RTKN: variants seen among roughly 807,000 people sequenced by gnomAD.
RTKN encodes the protein rhotekin.
Under a neutral mutation model 63.5 loss-of-function variants are expected in RTKN, and 49 were observed. That is an observed-to-expected ratio of 0.77 (90% CI 0.61 to 0.98). The LOEUF is 0.98. Among genes scored for constraint, RTKN ranks in the 50% least tolerant of loss-of-function variants. The pLI is 0.00. For synonymous variants in RTKN, 295 were observed against 290.4 expected, an observed-to-expected ratio of 1.02 and a Z score of -0.16; for missense variants, 685 against 740.8, an observed-to-expected ratio of 0.92 and a Z score of 0.87.
At chr2:74,427,083 C>T in intron 11 of RTKN, 86 bp downstream of exon 11, 1 of 1,536,540 alleles carries the variant, frequency 6.5e-7, no homozygotes, top group Non-Finnish European at 8.9e-7. Context: ...AGTGTGCTTT[C>T]TCTCTGTTTC....
At chr2:74,432,085 A>G in intron 2 of RTKN, 1 of 350,120 alleles carries the variant, frequency 2.9e-6, no homozygotes, top group Non-Finnish European at 5.5e-6. Context: ...AGATATAACA[A>G]ACTATTGTCA....
intron 1 of RTKN, among the ~76,000 whole-genome samples, chr2:74,434,438 C>A (rs1670945299): frequency 6.6e-6 from 1 of 152,134 alleles, no homozygotes; most frequent in Non-Finnish European, 1.5e-5. Flanking sequence ...AGCCACCACA[C>A]CCAGCTAATT....
chr2:74,430,869 AC>A (rs2103891565), intron 2 of RTKN, 192 bp from the exon 3 acceptor site: 1 of 600,152 alleles, frequency 1.7e-6, no homozygotes, highest in Non-Finnish European at 2.9e-6. Flanking sequence ...GCTTGGGGAC[AC>A]CAGGGACACT....
chr2:74,431,906 A>G (rs1337182872), intron 2 of RTKN: 1 of 159,752 alleles, frequency 6.3e-6, no homozygotes, highest in African/African-American at 2.4e-5. Flanking sequence ...GCATCACTTA[A>G]GTCATTATAG....
Position 74,426,251 on chromosome 2 carries a change from G to C in RTKN, c.1684C>G (p.Pro562Ala), listed in dbSNP as rs763863781. The C allele has an allele frequency of 4.3e-6, 7 of 1,613,864 alleles. No individual in the cohort carries two copies. The highest frequency in any genetic ancestry group is 5.1e-6 in the Non-Finnish European group (6 of 1,179,758). ...KGQPRTWLQS[P>A]V ...GCCAGCACCTTTCTCTCTCACACTG[G>C]TGACTGGAGCCAAGTGCGAGGTTGG... The change falls in exon 12 of 12, where the codon CCA becomes GCA. Residue 562 changes from proline to alanine, a missense_variant. Coordinates refer to ENST00000272430, the MANE Select transcript of RTKN (RefSeq NM_001015055.2).
At chr2:74,432,426 G>A (rs1363208300) in intron 2 of RTKN, 41 bp downstream of exon 2, 47 of 1,578,136 alleles carry the variant, frequency 3.0e-5, no homozygotes, top group Non-Finnish European at 3.9e-5. Context: ...CACCCAGAAG[G>A]CCTCCTGCCT....
At position 74,428,284 on chromosome 2, in the gene RTKN, G is replaced by A; in HGVS notation, c.1070C>T (p.Thr357Ile). Residue 357 changes from threonine to isoleucine, a missense_variant, in exon 9 of 12, where the codon ACT becomes ATT. By Grantham distance (89) the Thr-to-Ile change is moderately conservative. Transcript: ENST00000272430. ...ACCCATCACCTTGTTGACAGCAATA[G>A]TAAGCAGCGGCTCTTCCCCAGTGTC... ...DADTGEEPLL[T>I]IAVNKETRVR... The A allele has an allele frequency of 6.2e-7, 1 of 1,614,182 alleles. No individual in the cohort carries two copies. The highest frequency in any genetic ancestry group is 8.5e-7 in the Non-Finnish European group (1 of 1,180,030).
In RTKN at chr2:74,435,852, T is replaced by C. The variant is rs909609054; in HGVS notation, c.112-3186A>G. On this transcript the variant is annotated intron_variant, in intron 1 of 11. Transcript: ENST00000272430. ...CCTAAATTCCCTCTTCTAAAAAGCCTTGTCCTGCCTGCCTACAGATGCTTC... is the reference window on the plus strand; with the variant it reads ...CCTAAATTCCCTCTTCTAAAAAGCCCTGTCCTGCCTGCCTACAGATGCTTC... Among the ~76,000 whole-genome samples, 5 of 152,236 alleles carry C rather than the reference T, an allele frequency of 3.3e-5. 1 individual carries two copies. Among genetic ancestry groups the C allele is most frequent in the Non-Finnish European group, 5.9e-5 (4 of 68,030 alleles).
chr2:74,426,306 G>C lies in RTKN; in HGVS notation c.1629C>G (p.Ser543=). 1 of 1,614,042 alleles carries C rather than the reference G, an allele frequency of 6.2e-7. No individual in the cohort carries two copies. The highest frequency in any genetic ancestry group is 8.5e-7 in the Non-Finnish European group (1 of 1,179,990). The change falls in exon 12 of 12, where the codon TCC becomes TCG. Residue 543 remains serine (S), a synonymous_variant. Transcript: ENST00000272430. The part of the protein sequence containing the change: ...RSVAPLPPQR[S]PRTRGLCSKG... ...TGCTGCAGAGGCCTCTGGTCCGTGGGGATCGCTGAGGTGGGAGGGGGGCAA... is the reference window on the plus strand; with the variant it reads ...TGCTGCAGAGGCCTCTGGTCCGTGGCGATCGCTGAGGTGGGAGGGGGGCAA...
At chr2:74,426,987 A>G in intron 11 of RTKN, 182 bp downstream of exon 11, 1 of 985,316 alleles carries the variant, frequency 1.0e-6, no homozygotes. Flanking sequence ...ACTTTGGTGG[A>G]GGTGGTTCTA....
chr2:74,432,403 G>A, intron 2 of RTKN, 64 bp downstream of exon 2: 1 of 1,459,664 alleles, frequency 6.9e-7, no homozygotes. Flanking sequence ...ACACGCACAT[G>A]CTGCACCACC....
Position 74,434,706 on chromosome 2 carries a change from C to T in RTKN, c.112-2040G>A, listed in dbSNP as rs114066860. Among the ~76,000 whole-genome samples, 1,220 of 152,314 alleles carry T rather than the reference C, an allele frequency of 8.0e-3. 20 individuals carry two copies. Among genetic ancestry groups the T allele is most frequent in the African/African-American group, 0.028 (1,179 of 41,562 alleles). On this transcript the variant is annotated intron_variant, in intron 1 of 11. Transcript: ENST00000272430. ...GCGGGATTACAGGCTTGAGCCACTG[C>T]GCCCAGCCTAATGATACTTTATATA...
Position 74,427,240 on chromosome 2 carries a change from T to C in RTKN, c.1289A>G (p.Lys430Arg). 6.2e-7 allele frequency: 1 copy of C among 1,614,192 alleles called. No individual in the cohort carries two copies. The highest frequency in any genetic ancestry group is 1.3e-5 in the African/African-American group (1 of 75,040). ...QWKQCCDEIM[K>R]IETPAPRKPP... ...TTTCCGGGGAGCAGGAGTTTCAATT[T>C]TCATGATTTCATCACAGCACTGCTT... The change falls in exon 11 of 12, where the codon AAA becomes AGA. Residue 430 changes from lysine (K) to arginine (R), a missense_variant. Physicochemically the swap from Lys to Arg is conservative, Grantham distance 26. Transcript: ENST00000272430.
At chr2:74,435,074 C>T (rs752866932) in intron 1 of RTKN, among the ~76,000 whole-genome samples, 3 of 152,118 alleles carry the variant, frequency 2.0e-5, no homozygotes, top group Admixed American at 6.6e-5. Flanking sequence ...TTAAGAGAAT[C>T]ACCACCTACC....
chr2:74,440,037 T>A lies in RTKN; in HGVS notation c.111+1669A>T, dbSNP rs937681963. On this transcript the variant is annotated intron_variant, in intron 1 of 11. Transcript: ENST00000272430. ...GGCCGCTCCCCAGCCCCCGCCCACA[T>A]CCCTGGCCTGGTGGACAGGGAATCT... 1.6e-5 allele frequency: 16 copies of A among 1,014,190 alleles called. No homozygotes were observed. The Middle Eastern group carries it at 1.5e-3, about 93-fold the overall frequency. The allele number at this position is 1,014,190 out of a possible 1,614,324, so 62.8% of individuals were successfully genotyped here.
intron 1 of RTKN, chr2:74,439,669 G>A: frequency 2.5e-6 from 4 of 1,611,210 alleles, no homozygotes; most frequent in Non-Finnish European, 3.4e-6. Context: ...CTCCAGAGGG[G>A]GGACAGATAG....
chr2:74,426,266 T>C lies in RTKN; in HGVS notation c.1669A>G (p.Thr557Ala), dbSNP rs1330162278. 4 of 1,613,972 alleles carry C rather than the reference T, an allele frequency of 2.5e-6. No homozygotes were observed. Among genetic ancestry groups the C allele is most frequent in the Non-Finnish European group, 3.4e-6 (4 of 1,179,986 alleles). ...TCTCACACTGGTGACTGGAGCCAAG[T>C]GCGAGGTTGGCCTTTGCTGCAGAGG... ...RGLCSKGQPR[T>A]WLQSPV Residue 557 changes from threonine to alanine, a missense_variant, in exon 12 of 12, where the codon ACT becomes GCT. Coordinates refer to ENST00000272430, the MANE Select transcript of RTKN (RefSeq NM_001015055.2).
At chr2:74,440,348 A>G (rs927588870) in intron 1 of RTKN, 7 of 986,096 alleles carry the variant, frequency 7.1e-6, no homozygotes, top group Admixed American at 1.2e-4. Context: ...TGGGCTCACA[A>G]TTACCTCGCT....
chr2:74,433,590 T>C (rs1670889699), intron 1 of RTKN, among the ~76,000 whole-genome samples: 1 of 151,668 alleles, frequency 6.6e-6, no homozygotes, highest in South Asian at 2.1e-4. Context: ...CTGGGGTTCA[T>C]GCCATTCTCC....
Sources: allele counts gnomAD v4.1 joint callset (sites outside exome capture counted in the v4.1 genomes callset), GRCh38; gene constraint gnomAD v4.1.1; transcripts MANE v1.5; gene names NCBI Gene and HGNC (gene_info 2026-07-23, HGNC 2026-07-21).